Variants in SLX4IP observed in about 807,000 individuals in gnomAD.
SLX4IP encodes the protein SLX4 interacting protein.
Under a neutral mutation model 32.9 loss-of-function variants are expected in SLX4IP, and 34 were observed. The ratio of observed to expected loss-of-function variants is 1.03; its 90% CI spans 0.79 to 1.38. SLX4IP has a LOEUF of 1.38. Ranked by LOEUF, SLX4IP falls within the 40% of genes most tolerant of loss-of-function variation. SLX4IP has a pLI of 0.00. For synonymous variants in SLX4IP, 172 were observed against 171.7 expected (o/e 1.00, Z -0.01); for missense variants, 444 against 479.0 (o/e 0.93, Z 0.68).
At chr20:10,595,480 C>T (rs1014426783) in intron 4 of SLX4IP, among the ~76,000 whole-genome samples, 4 of 152,070 alleles carry the variant, frequency 2.6e-5, no homozygotes, top group Non-Finnish European at 5.9e-5. Context: ...AGCTGGTGCC[C>T]CAAGTAGGAA....
At chr20:10,568,039 G>C (rs1601012154) in intron 4 of SLX4IP, among the ~76,000 whole-genome samples, 1 of 152,208 alleles carries the variant, frequency 6.6e-6, no homozygotes, top group African/African-American at 2.4e-5. Context: ...CTATTTCTTA[G>C]TAGTAAGGGG....
chr20:10,606,524 C>T (rs901227425), intron 6 of SLX4IP, among the ~76,000 whole-genome samples: 1 of 152,318 alleles, frequency 6.6e-6, no homozygotes, highest in East Asian at 1.9e-4. Context: ...AAGATATTAA[C>T]AAGAGATTCC....
chr20:10,497,088 A>G (rs888763353), intron 2 of SLX4IP, among the ~76,000 whole-genome samples: 6 of 152,074 alleles, frequency 3.9e-5, no homozygotes, highest in African/African-American at 1.4e-4. Flanking sequence ...TGGCGTCACT[A>G]TTGTTTCAGG....
At chr20:10,594,255 G>T (rs1600139207) in intron 4 of SLX4IP, among the ~76,000 whole-genome samples, 1 of 152,206 alleles carries the variant, frequency 6.6e-6, no homozygotes, top group East Asian at 1.9e-4. Flanking sequence ...CTCAGGGAGA[G>T]AAGTACTGAG....
chr20:10,518,466 TC>T (rs2065873549), intron 2 of SLX4IP, among the ~76,000 whole-genome samples: 2 of 44,834 alleles, frequency 4.5e-5, no homozygotes, highest in Admixed American at 2.3e-4. Context: ...TTCCTTCCTT[TC>T]CTTTCTTTTC....
intron 2 of SLX4IP, among the ~76,000 whole-genome samples, chr20:10,506,019 A>G (rs902661484): frequency 4.6e-5 from 7 of 152,188 alleles, no homozygotes; most frequent in Non-Finnish European, 1.0e-4. Flanking sequence ...TTAAGCATGT[A>G]AACAGTCTGG....
intron 2 of SLX4IP, among the ~76,000 whole-genome samples, chr20:10,492,691 T>A (rs1718666251): frequency 6.6e-6 from 1 of 152,214 alleles, no homozygotes; most frequent in Admixed American, 6.5e-5. Flanking sequence ...TTGTACTTTT[T>A]AGGTCTGCTT....
chr20:10,529,887 C>T (rs2122462238), intron 2 of SLX4IP, among the ~76,000 whole-genome samples: 1 of 152,228 alleles, frequency 6.6e-6, no homozygotes, highest in South Asian at 2.1e-4. Flanking sequence ...TTTCATTTCT[C>T]TGCTAATGAA....
rs1055202719 is a variant in SLX4IP, at chr20:10,625,410, A to AG, written c.*2037dup. 2.3e-4 allele frequency: 35 copies of AG among 152,314 alleles called. No homozygotes were observed. Among genetic ancestry groups the AG allele is most frequent in the African/African-American group, 7.9e-4 (33 of 41,562 alleles). 9.4% of individuals were successfully genotyped at this position (152,314 alleles called of 1,614,324 possible). ...AGTAGCCACTGCCTGCTCCAGAACT[A>AG]GGGGGGAGATATTTGAGCTGGAGCC... On this transcript the variant is annotated 3_prime_UTR_variant, in exon 8 of 8. Coordinates refer to ENST00000334534, the MANE Select transcript of SLX4IP (RefSeq NM_001009608.3).
chr20:10,472,394 C>A (rs1025293574), intron 2 of SLX4IP, among the ~76,000 whole-genome samples: 3 of 152,032 alleles, frequency 2.0e-5, no homozygotes, highest in African/African-American at 7.2e-5. Context: ...CCACGCCCGG[C>A]TAATTTTTTG....
At chr20:10,613,992 G>T in intron 6 of SLX4IP, 1 of 1,225,194 alleles carries the variant, frequency 8.2e-7, no homozygotes, top group Non-Finnish European at 1.2e-6. Context: ...ATCGTACACT[G>T]CTCTCTGTTC....
chr20:10,605,608 A>G (rs1022141700), intron 6 of SLX4IP, among the ~76,000 whole-genome samples: 1 of 152,204 alleles, frequency 6.6e-6, no homozygotes, highest in Admixed American at 6.5e-5. Flanking sequence ...TTTGGAAATT[A>G]AAAAATGATT....
chr20:10,586,133 C>A (rs77142783), intron 4 of SLX4IP, among the ~76,000 whole-genome samples: 3,396 of 152,240 alleles, frequency 0.022, 130 homozygotes, highest in African/African-American at 0.076. Context: ...CCTTGAATAT[C>A]TCTCTCTCTT....
At chr20:10,552,770 A>G (rs1044708130) in intron 2 of SLX4IP, among the ~76,000 whole-genome samples, 1 of 152,148 alleles carries the variant, frequency 6.6e-6, no homozygotes, top group Non-Finnish European at 1.5e-5. Flanking sequence ...ATTCTTCAGC[A>G]AGCTGCTGTT....
Position 10,512,776 on chromosome 20 carries a change from CTCTATATATA to C in SLX4IP, c.28-43453_28-43444del, listed in dbSNP as rs1378360140. On this transcript the variant is annotated intron_variant, in intron 2 of 7. Transcript: ENST00000334534. ...TTATGTATATATATACACACACACA[CTCTATATATA>C]TATATATATATATATATATATATAT... is the stretch of plus-strand genomic sequence containing the variant. Among the ~76,000 whole-genome samples, 273 of 114,718 alleles carry C rather than the reference CTCTATATATA, an allele frequency of 2.4e-3. 8 individuals are homozygous for C. Among genetic ancestry groups the C allele is most frequent in the African/African-American group, 9.8e-3 (254 of 25,882 alleles). 75.3% of individuals were successfully genotyped at this position (114,718 alleles called of 152,430 possible).
At chr20:10,447,993 C>A (rs1447228670) in intron 1 of SLX4IP, among the ~76,000 whole-genome samples, 2 of 151,904 alleles carry the variant, frequency 1.3e-5, no homozygotes, top group Admixed American at 6.6e-5. Flanking sequence ...GTGTGAGCCA[C>A]TGAACCCGGC....
intron 6 of SLX4IP, among the ~76,000 whole-genome samples, chr20:10,617,538 A>G (rs1441271947): frequency 1.3e-5 from 2 of 152,044 alleles, no homozygotes; most frequent in Non-Finnish European, 2.9e-5. Flanking sequence ...AGTTTTTAGT[A>G]AGTCACTGTG....
intron 6 of SLX4IP, among the ~76,000 whole-genome samples, chr20:10,605,320 ACT>A (rs980154775): frequency 6.6e-6 from 1 of 152,154 alleles, no homozygotes; most frequent in Non-Finnish European, 1.5e-5. Context: ...TATACTGGGA[ACT>A]CTGGTAGGCA....
intron 4 of SLX4IP, among the ~76,000 whole-genome samples, chr20:10,574,574 A>G (rs762383787): frequency 2.6e-5 from 4 of 152,080 alleles, no homozygotes; most frequent in Non-Finnish European, 5.9e-5. Flanking sequence ...CACATTTACA[A>G]CCAGACTTTC....
Sources: allele counts gnomAD v4.1 joint callset (sites outside exome capture counted in the v4.1 genomes callset), GRCh38; gene constraint gnomAD v4.1.1; transcripts MANE v1.5; gene names NCBI Gene and HGNC (gene_info 2026-07-23, HGNC 2026-07-21).